The following LYRM4 variants were observed in gnomAD, a reference collection of about 807,000 sequenced individuals.
The protein encoded by LYRM4 is LYR motif-containing protein 4.
LYRM4 carries 9 observed loss-of-function variants against 11.7 expected under a neutral mutation model. The ratio of observed to expected loss-of-function variants is 0.77; its 90% CI spans 0.46 to 1.34. The LOEUF (loss-of-function observed/expected upper bound fraction) is 1.34. Ranked by LOEUF, LYRM4 falls within the 40% of genes most tolerant of loss-of-function variation. The probability of loss-of-function intolerance (pLI) is 0.00; values close to 1 mark genes in which losing one functional copy is unlikely to be tolerated. For missense variants in LYRM4, 133 were observed against 112.5 expected (o/e 1.18, Z -0.82); for synonymous variants, 42 against 40.4 (o/e 1.04, Z -0.15).
intron 2 of LYRM4, among the ~76,000 whole-genome samples, chr6:5,189,361 T>C (rs1359273663): frequency 1.3e-5 from 2 of 150,850 alleles, no homozygotes; most frequent in Non-Finnish European, 3.0e-5. Flanking sequence ...GGTTAGTGCT[T>C]AGCCTAAGGT....
In LYRM4 at chr6:5,124,725, G is replaced by A. The variant is rs879451620; in HGVS notation, c.208-15234C>T. On this transcript the variant is annotated intron_variant, in intron 2 of 2. Coordinates refer to ENST00000330636, the MANE Select transcript of LYRM4 (RefSeq NM_020408.6). The stretch of plus-strand genomic sequence containing the variant: ...GTGTCCCTGACCCACCTCCCTGCCC[G>A]GCTCCCTTGGCCAGCAGGGCTCAGA... 8.5e-5 allele frequency among the ~76,000 whole-genome samples: 13 copies of A among 152,304 alleles called. No individual in the cohort carries two copies. The South Asian group carries it at 1.0e-3, about 12-fold the overall frequency.
chr6:5,205,161 T>C (rs1296437528), intron 2 of LYRM4, among the ~76,000 whole-genome samples: 1 of 152,236 alleles, frequency 6.6e-6, no homozygotes, highest in Non-Finnish European at 1.5e-5. Context: ...GTGATCATGC[T>C]ATTAAGCAAA....
intron 1 of LYRM4, among the ~76,000 whole-genome samples, chr6:5,235,229 G>C (rs1043987261): frequency 1.3e-5 from 2 of 151,976 alleles, no homozygotes; most frequent in African/African-American, 4.8e-5. Context: ...GGCAACCTCC[G>C]GCTCCTGGGT....
At chr6:5,205,486 C>T (rs1010288988) in intron 2 of LYRM4, among the ~76,000 whole-genome samples, 1 of 151,972 alleles carries the variant, frequency 6.6e-6, no homozygotes, top group African/African-American at 2.4e-5. Flanking sequence ...AGCCATTTTC[C>T]GAGTGGTTCC....
the LYRM4 span, among the ~76,000 whole-genome samples, chr6:5,059,102 A>G: frequency 3.3e-5 from 5 of 152,090 alleles, no homozygotes; most frequent in Non-Finnish European, 7.4e-5. Context: ...GCACTTTGGG[A>G]GGCTGAGGCC....
At chr6:5,034,340 C>T in the LYRM4 span, 1 of 152,152 alleles carries the variant, frequency 6.6e-6, no homozygotes, top group African/African-American at 2.4e-5. Context: ...TTTGTGGATT[C>T]GTGAGATGAT....
chr6:5,229,165 TA>T lies in LYRM4; in HGVS notation c.87-12428del, dbSNP rs145923475. Among the ~76,000 whole-genome samples, 963 of 152,298 alleles carry T rather than the reference TA, an allele frequency of 6.3e-3. 4 individuals carry two copies. Among genetic ancestry groups the T allele is most frequent in the African/African-American group, 0.022 (909 of 41,546 alleles). On this transcript the variant is annotated intron_variant, in intron 1 of 2. Transcript: ENST00000330636. ...ACACAGCTAAGACAATTTTGTTTTT[TA>T]ACGTCGTGGCTCTTGGGTTACACAT... is the stretch of plus-strand genomic sequence containing the variant.
At chr6:5,142,023 C>CG (rs368251009) in intron 2 of LYRM4, among the ~76,000 whole-genome samples, 172 of 152,076 alleles carry the variant, frequency 1.1e-3, no homozygotes, top group African/African-American at 3.6e-3. Flanking sequence ...GTGCATGTGT[C>CG]GGGGGGGATG....
chr6:5,179,065 C>CAAAAAAAAAAAAAAAAAAAAAA (rs58749743), intron 2 of LYRM4, among the ~76,000 whole-genome samples: 11 of 103,900 alleles, frequency 1.1e-4, no homozygotes, highest in Non-Finnish European at 1.4e-4. Context: ...ACCAAAAAAA[C>CAAAAAAAAAAAAAAAAAAAAAA]AAAAAAAAAA....
At chr6:5,070,307 C>T in the LYRM4 span, among the ~76,000 whole-genome samples, 4 of 152,124 alleles carry the variant, frequency 2.6e-5, no homozygotes, top group Non-Finnish European at 5.9e-5. Flanking sequence ...GGAAATAAGT[C>T]AGAACCAACC....
intron 2 of LYRM4, among the ~76,000 whole-genome samples, chr6:5,132,263 A>C (rs1581342131): frequency 6.6e-6 from 1 of 152,318 alleles, no homozygotes; most frequent in East Asian, 1.9e-4. Flanking sequence ...CCCTTGTCCT[A>C]TGCAATACAT....
intron 1 of LYRM4, among the ~76,000 whole-genome samples, chr6:5,257,743 G>A (rs925496379): frequency 6.6e-6 from 1 of 152,186 alleles, no homozygotes; most frequent in African/African-American, 2.4e-5. Flanking sequence ...ATCTGAGGTG[G>A]AAGAGTTTCA....
chr6:5,093,263 G>GT, the LYRM4 span, among the ~76,000 whole-genome samples: 7 of 152,174 alleles, frequency 4.6e-5, no homozygotes, highest in African/African-American at 1.7e-4. Flanking sequence ...TTGTTTTTTT[G>GT]TTTTTTGTTT....
chr6:5,139,816 T>C (rs1212463291), intron 2 of LYRM4, among the ~76,000 whole-genome samples: 1 of 150,990 alleles, frequency 6.6e-6, no homozygotes, highest in East Asian at 2.0e-4. Context: ...GCGTGGTGGG[T>C]CATGCCTGTG....
intron 1 of LYRM4, among the ~76,000 whole-genome samples, chr6:5,241,213 A>G (rs1763859447): frequency 6.6e-6 from 1 of 152,212 alleles, no homozygotes; most frequent in Admixed American, 6.5e-5. Context: ...TTATGATTGT[A>G]TTTGTAAAAT....
intron 1 of LYRM4, among the ~76,000 whole-genome samples, chr6:5,245,114 AT>A (rs1397706734): frequency 0.052 from 623 of 11,884 alleles, 54 homozygotes; most frequent in Middle Eastern, 0.21. Flanking sequence ...AAAAAAAAAA[AT>A]ATATATATAT....
downstream of LYRM4, chr6:5,108,094 A>C (rs901792300): frequency 3.9e-5 from 6 of 152,174 alleles, no homozygotes; most frequent in African/African-American, 9.7e-5. Flanking sequence ...TCATTGCAGC[A>C]AATCTATGCT....
chr6:5,099,758 AC>A (rs1247069574), downstream of LYRM4, among the ~76,000 whole-genome samples: 1 of 152,148 alleles, frequency 6.6e-6, no homozygotes, highest in Non-Finnish European at 1.5e-5. This position sits in a 1 kb window ranked among gnomAD's most constrained non-coding sequence, Gnocchi z 4.3. Context: ...CTCCTAGTTT[AC>A]AGCTGAAGAA....
At chr6:5,120,051 C>T (rs553475939) in intron 2 of LYRM4, among the ~76,000 whole-genome samples, 8 of 151,976 alleles carry the variant, frequency 5.3e-5, no homozygotes, top group South Asian at 4.2e-4. Flanking sequence ...CATGCCACCA[C>T]GTCTGGCTAA....
Sources: allele counts gnomAD v4.1 joint callset (sites outside exome capture counted in the v4.1 genomes callset), GRCh38; gene constraint gnomAD v4.1.1; non-coding constraint Gnocchi (gnomAD v3.1); transcripts MANE v1.5; gene names NCBI Gene and HGNC (gene_info 2026-07-23, HGNC 2026-07-21).